The following PFKFB1 variants were observed in gnomAD, a reference collection of about 807,000 sequenced individuals.
PFKFB1 encodes the protein 6-phosphofructo-2-kinase/fructose-2,6-bisphosphatase 1.
Under a neutral mutation model 46.4 loss-of-function variants are expected in PFKFB1, and 34 were observed. The ratio of observed to expected loss-of-function variants is 0.73; its 90% CI spans 0.56 to 0.98. The LOEUF is 0.98. Ranked by LOEUF, PFKFB1 falls within the 50% of genes least tolerant of loss-of-function variation. The pLI is 0.00. For synonymous variants in PFKFB1, 119 were observed against 133.8 expected, an observed-to-expected ratio of 0.89 and a Z score of 0.76; for missense variants, 393 against 376.3, an observed-to-expected ratio of 1.04 and a Z score of -0.37.
chrX:54,945,434 C>T lies in PFKFB1; in HGVS notation c.1098+5G>A, dbSNP rs986590629. The T allele has an allele frequency of 1.7e-6, 2 of 1,146,839 alleles. No individual in the cohort carries two copies. Among genetic ancestry groups the T allele is most frequent in the Non-Finnish European group, 2.4e-6 (2 of 841,049 alleles). The allele number at this position is 1,146,839 out of a possible 1,213,427, so 94.5% of individuals were successfully genotyped here. On this transcript the variant is annotated splice_donor_5th_base_variant and intron_variant, in intron 10 of 13. Coordinates refer to ENST00000375006, the MANE Select transcript of PFKFB1 (RefSeq NM_002625.4). ...CTAGGCATTAGGCCACCCCGCAAAC[C>T]TTACCTCTCCCTTGGGATAGCGGTA...
chrX:54,955,927 G>A (rs1343903679), intron 7 of PFKFB1, among the ~76,000 whole-genome samples: 5 of 112,096 alleles, frequency 4.5e-5, no homozygotes, highest in Non-Finnish European at 9.4e-5. Context: ...GTCCTGAACT[G>A]TTCATATTGC....
intron 1 of PFKFB1, among the ~76,000 whole-genome samples, chrX:54,969,893 G>A (rs1254807609): frequency 8.9e-6 from 1 of 111,732 alleles, no homozygotes; most frequent in Non-Finnish European, 1.9e-5. Flanking sequence ...GAAAATCCCA[G>A]GAAATCTATA....
At chrX:54,994,880 T>C (rs1314412854), upstream of PFKFB1, 1 of 750,720 alleles carries the variant, frequency 1.3e-6, no homozygotes, top group African/African-American at 2.3e-5. Context: ...TGCCTGGGGC[T>C]GGAGGTGGGG....
rs772812634 is a variant in PFKFB1 at position 54,963,114 on chromosome X, T to C, written c.223+143A>G. 2.2e-5 allele frequency: 12 copies of C among 535,240 alleles called. No individual in the cohort carries two copies. In the African/African-American group the frequency reaches 2.6e-4, roughly 11 times the overall value. The allele number at this position is 535,240 out of a possible 1,213,427, so 44.1% of individuals were successfully genotyped here. ...AGTTATAAAATGTATAAGAATGTAG[T>C]AATAGTGGTAGCAGTAGTCCTAATG... On this transcript the variant is annotated intron_variant, in intron 2 of 13. Transcript: ENST00000375006.
At chrX:54,961,278 C>T (rs753284806) in intron 2 of PFKFB1, among the ~76,000 whole-genome samples, 1 of 111,196 alleles carries the variant, frequency 9.0e-6, no homozygotes, top group Non-Finnish European at 1.9e-5. Flanking sequence ...TTAAAATGCC[C>T]TACTCCAGTG....
intron 10 of PFKFB1, among the ~76,000 whole-genome samples, chrX:54,937,932 A>G (rs753239474): frequency 8.9e-6 from 1 of 112,307 alleles, no homozygotes; most frequent in Non-Finnish European, 1.9e-5. Flanking sequence ...AGTGGACCAA[A>G]TAAATGTATC....
intron 1 of PFKFB1, among the ~76,000 whole-genome samples, chrX:54,987,332 G>A (rs1935135339): frequency 9.0e-6 from 1 of 111,417 alleles, no homozygotes; most frequent in Non-Finnish European, 1.9e-5. Context: ...TCCAGGATTA[G>A]ATGGTTTCAC....
At chrX:54,972,395 G>C (rs1283623832) in intron 1 of PFKFB1, among the ~76,000 whole-genome samples, 1 of 109,136 alleles carries the variant, frequency 9.2e-6, no homozygotes, top group Non-Finnish European at 1.9e-5. Flanking sequence ...AGTGGTGAGA[G>C]AGGGCATCCC....
chrX:54,976,175 T>A (rs1934834483), intron 1 of PFKFB1, among the ~76,000 whole-genome samples: 1 of 111,643 alleles, frequency 9.0e-6, no homozygotes. Flanking sequence ...CATTTTTTTA[T>A]CTGTGAAAGA....
intron 1 of PFKFB1, among the ~76,000 whole-genome samples, chrX:54,991,535 CTCTCTGTGTGTGTG>C (rs1325886576): frequency 7.8e-4 from 68 of 87,288 alleles, no homozygotes; most frequent in African/African-American, 2.3e-3. Flanking sequence ...CCCTCTCTCT[CTCTCTGTGTGTGTG>C]TGTGTGTGTG....
At chrX:54,993,849 T>C in intron 1 of PFKFB1, 62 bp downstream of exon 1, 1 of 1,144,358 alleles carries the variant, frequency 8.7e-7, no homozygotes, top group South Asian at 2.1e-5. Flanking sequence ...GTGCATCCTT[T>C]GCTCTTCTAC....
intron 7 of PFKFB1, among the ~76,000 whole-genome samples, chrX:54,953,812 T>C (rs972391210): frequency 8.9e-6 from 1 of 112,169 alleles, no homozygotes; most frequent in Non-Finnish European, 1.9e-5. Context: ...CTCTGTTTCA[T>C]TCTTGTCTTC....
chrX:54,976,186 C>T (rs1934834972), intron 1 of PFKFB1, among the ~76,000 whole-genome samples: 1 of 110,666 alleles, frequency 9.0e-6, no homozygotes, highest in African/African-American at 3.3e-5. Context: ...CTGTGAAAGA[C>T]ACAAAGGAAT....
chrX:54,940,315 C>A (rs1933573804), intron 10 of PFKFB1, among the ~76,000 whole-genome samples: 1 of 111,349 alleles, frequency 9.0e-6, no homozygotes, highest in African/African-American at 3.3e-5. Context: ...GGAAGCATTC[C>A]CTTTGAAAAC....
At chrX:54,968,965 T>A (rs1205212271) in intron 1 of PFKFB1, among the ~76,000 whole-genome samples, 1 of 111,025 alleles carries the variant, frequency 9.0e-6, no homozygotes, top group Non-Finnish European at 1.9e-5. Context: ...AACATAAGAA[T>A]CCTAAAAAAA....
At chrX:54,955,531 C>T (rs1338660619) in intron 7 of PFKFB1, among the ~76,000 whole-genome samples, 2 of 110,548 alleles carry the variant, frequency 1.8e-5, no homozygotes, top group African/African-American at 3.3e-5. Flanking sequence ...AGAAGCTACC[C>T]GAGGATAGAA....
In PFKFB1 at chrX:54,945,660, C is replaced by T. The variant is rs935270429; in HGVS notation, c.994-117G>A. The stretch of plus-strand genomic sequence containing the variant: ...ACATGAGCACCTGGGTCTCTGTGAA[C>T]ACAGCTCTGGGTTTGTGCCTGTTGT... On this transcript the variant is annotated intron_variant, in intron 9 of 13. Transcript: ENST00000375006. 8.1e-6 allele frequency: 4 copies of T among 494,918 alleles called. No individual in the cohort carries two copies. In the African/African-American group the frequency reaches 9.6e-5, roughly 12 times the overall value. 40.8% of individuals were successfully genotyped at this position (494,918 alleles called of 1,213,427 possible). A position where few individuals can be genotyped will look rare whatever the true frequency, so the allele number is the denominator to read the frequency against.
intron 2 of PFKFB1, 33 bp downstream of exon 2, chrX:54,963,224 G>A (rs41300640): frequency 2.2e-5 from 26 of 1,201,088 alleles, no homozygotes; most frequent in Non-Finnish European, 2.9e-5. Flanking sequence ...TAGCTTTTAT[G>A]GGGTTGTTGA....
chrX:54,936,885 A>T (rs929174873), intron 11 of PFKFB1, among the ~76,000 whole-genome samples: 3 of 111,387 alleles, frequency 2.7e-5, no homozygotes, highest in African/African-American at 9.8e-5. Flanking sequence ...TTGCTCTGAG[A>T]CACCTTAAAA....
Sources: gnomAD v4.1 joint callset for allele counts (sites outside exome capture counted in the v4.1 genomes callset) on GRCh38, gnomAD v4.1.1 for gene constraint, MANE v1.5 for transcripts, NCBI Gene and HGNC (gene_info 2026-07-23, HGNC 2026-07-21) for gene names.